The following KLF8 variants were observed in gnomAD, a reference collection of about 807,000 sequenced individuals.
The protein encoded by KLF8 is KLF transcription factor 8.
A neutral mutation model predicts 18.2 loss-of-function variants in KLF8; 10 were observed. The observed-to-expected ratio is 0.55, with a 90% CI of 0.34 to 0.93. The LOEUF is 0.93. KLF8 is among the 40% of genes least tolerant of loss of function. The pLI, the probability that KLF8 is intolerant of heterozygous loss-of-function variation, is 0.02. For synonymous variants in KLF8, 109 were observed against 97.3 expected (o/e 1.12, Z -0.71); for missense variants, 264 against 277.9 (o/e 0.95, Z 0.36).
chrX:56,204,384 C>A, the KLF8 span, among the ~76,000 whole-genome samples: 2 of 111,601 alleles, frequency 1.8e-5, no homozygotes, highest in East Asian at 2.8e-4. Flanking sequence ...AATTTGATTT[C>A]TTCCCTTCCA....
In KLF8 at chrX:56,277,727, T is replaced by G. The variant is rs2067141459; in HGVS notation, c.899-6586T>G. ...TGGTGAAGCAAGCCGTACTTATGTC[T>G]TTTCCTTCAGGGCAGTGAGTTCTCC... On this transcript the variant is annotated intron_variant, in intron 5 of 5. Coordinates refer to ENST00000468660, the MANE Select transcript of KLF8 (RefSeq NM_007250.5). Among the ~76,000 whole-genome samples, 3 of 112,725 alleles carry G rather than the reference T, an allele frequency of 2.7e-5. No individual in the cohort carries two copies. In the South Asian group the frequency reaches 1.1e-3, roughly 41 times the overall value.
the KLF8 span, among the ~76,000 whole-genome samples, chrX:56,047,256 AT>A: frequency 4.2e-4 from 45 of 106,959 alleles, no homozygotes; most frequent in African/African-American, 1.5e-3. Flanking sequence ...TTTTTTGTTT[AT>A]TTTTTTCGTT....
chrX:55,995,661 A>G, the KLF8 span, among the ~76,000 whole-genome samples: 6 of 112,199 alleles, frequency 5.3e-5, no homozygotes, highest in Admixed American at 1.9e-4. Flanking sequence ...AGGATATGCA[A>G]TTCTTAATTT....
At chrX:56,003,790 G>A in the KLF8 span, among the ~76,000 whole-genome samples, 1 of 111,785 alleles carries the variant, frequency 8.9e-6, no homozygotes, top group Admixed American at 9.5e-5. Context: ...TCTTACTATT[G>A]TTTTGCTTAT....
chrX:56,167,467 C>G, the KLF8 span, among the ~76,000 whole-genome samples: 1 of 111,886 alleles, frequency 8.9e-6, no homozygotes, highest in African/African-American at 3.2e-5. Context: ...CCAGTACGCT[C>G]TAATCGAAGA....
At chrX:56,075,099 T>A in the KLF8 span, among the ~76,000 whole-genome samples, 1 of 110,928 alleles carries the variant, frequency 9.0e-6, no homozygotes, top group Non-Finnish European at 1.9e-5. Flanking sequence ...AGGTCTTCTT[T>A]AATTTTTTCA....
chrX:56,006,394 A>G, the KLF8 span, among the ~76,000 whole-genome samples: 1 of 111,626 alleles, frequency 9.0e-6, no homozygotes, highest in African/African-American at 3.3e-5. Context: ...GGTTTCTATC[A>G]TCTTCCCCCT....
chrX:55,960,571 AAG>A, the KLF8 span, among the ~76,000 whole-genome samples: 2 of 55,730 alleles, frequency 3.6e-5, no homozygotes, highest in Non-Finnish European at 1.0e-4. Flanking sequence ...AGGAAAGAAG[AAG>A]GAGGAGGAGG....
chrX:56,124,405 G>A, the KLF8 span, among the ~76,000 whole-genome samples: 1 of 112,017 alleles, frequency 8.9e-6, no homozygotes, highest in Non-Finnish European at 1.9e-5. Flanking sequence ...ACAGAGTCTA[G>A]ATTTGCATGC....
the KLF8 span, among the ~76,000 whole-genome samples, chrX:56,190,665 A>C: frequency 3.6e-5 from 4 of 111,837 alleles, no homozygotes; most frequent in South Asian, 1.5e-3. Flanking sequence ...GAAATTAATA[A>C]GAATAATTTT....
intron 5 of KLF8, 145 bp from the exon 6 acceptor site, chrX:56,284,168 T>C: frequency 2.4e-6 from 1 of 420,207 alleles, no homozygotes; most frequent in Non-Finnish European, 3.9e-6. Flanking sequence ...ATTAATTAAC[T>C]TAAAAGATTT....
the KLF8 span, among the ~76,000 whole-genome samples, chrX:56,223,239 G>A: frequency 8.9e-6 from 1 of 112,923 alleles, no homozygotes; most frequent in Admixed American, 9.3e-5. Context: ...GTAAAATGGG[G>A]ATAATGGTAC....
chrX:55,948,952 T>C, the KLF8 span, among the ~76,000 whole-genome samples: 1 of 112,320 alleles, frequency 8.9e-6, no homozygotes, highest in African/African-American at 3.2e-5. Flanking sequence ...GTTGTGGCAA[T>C]GGCATTTTTA....
At chrX:55,921,552 G>A in the KLF8 span, among the ~76,000 whole-genome samples, 3 of 103,705 alleles carry the variant, frequency 2.9e-5, no homozygotes, top group Admixed American at 1.1e-4. Flanking sequence ...CAGGGCATAG[G>A]CATGGGCAAA....
chrX:55,934,568 T>C, the KLF8 span, among the ~76,000 whole-genome samples: 2 of 112,160 alleles, frequency 1.8e-5, no homozygotes, highest in Non-Finnish European at 3.8e-5. Context: ...GCATTCACCT[T>C]TCTTCCTTTC....
the KLF8 span, among the ~76,000 whole-genome samples, chrX:55,973,111 T>C: frequency 1.2e-4 from 13 of 111,918 alleles, no homozygotes; most frequent in African/African-American, 4.2e-4. Flanking sequence ...AAACAATGAA[T>C]AACCTTTTCA....
intron 5 of KLF8, among the ~76,000 whole-genome samples, chrX:56,282,446 CTT>C (rs1258077524): frequency 8.9e-6 from 1 of 112,157 alleles, no homozygotes; most frequent in Admixed American, 9.5e-5. Context: ...TAATTGATGT[CTT>C]TAATCTTTGA....
the KLF8 span, among the ~76,000 whole-genome samples, chrX:55,931,707 C>T: frequency 8.9e-6 from 1 of 111,931 alleles, no homozygotes; most frequent in Non-Finnish European, 1.9e-5. Context: ...ATTCTGAGTT[C>T]TAATTTGATT....
chrX:56,208,845 T>TA, the KLF8 span, among the ~76,000 whole-genome samples: 1 of 112,341 alleles, frequency 8.9e-6, no homozygotes, highest in Non-Finnish European at 1.9e-5. Flanking sequence ...TTTTAATTTT[T>TA]AAAAAAATTT....
Sources: allele counts gnomAD v4.1 joint callset (sites outside exome capture counted in the v4.1 genomes callset), GRCh38; gene constraint gnomAD v4.1.1; transcripts MANE v1.5; gene names NCBI Gene and HGNC (gene_info 2026-07-23, HGNC 2026-07-21).